TFEC: variants seen among roughly 807,000 people sequenced by gnomAD.
TFEC encodes transcription factor EC.
In TFEC, 31 loss-of-function variants were observed where a neutral mutation model predicts 41.6. The observed-to-expected ratio is 0.74, with a 90% CI of 0.56 to 1.01. The LOEUF (loss-of-function observed/expected upper bound fraction) is 1.01. TFEC is among the 50% of genes least tolerant of loss of function. The pLI, the probability that TFEC is intolerant of heterozygous loss-of-function variation, is 0.00. For synonymous variants in TFEC, 143 were observed against 140.6 expected, an observed-to-expected ratio of 1.02 and a Z score of -0.12; for missense variants, 402 against 404.1, an observed-to-expected ratio of 0.99 and a Z score of 0.04.
At chr7:115,945,348 C>A (rs1433548851) in intron 6 of TFEC, among the ~76,000 whole-genome samples, 1 of 151,338 alleles carries the variant, frequency 6.6e-6, no homozygotes, top group East Asian at 2.0e-4. Flanking sequence ...ATAATTTTGT[C>A]ACGTAGATGG....
At chr7:115,994,768 C>A (rs1287590830) in intron 1 of TFEC, among the ~76,000 whole-genome samples, 1 of 152,130 alleles carries the variant, frequency 6.6e-6, no homozygotes. Flanking sequence ...ACTAGTTCAA[C>A]CATTGTGGAA....
At chr7:116,157,690 T>C (rs988446022) in intron 1 of TFEC, among the ~76,000 whole-genome samples, 48 of 152,150 alleles carry the variant, frequency 3.2e-4, no homozygotes, top group African/African-American at 1.1e-3. Context: ...TTTAGGGAAG[T>C]TGGACTCCTG....
chr7:115,975,597 C>T (rs1322973670), intron 2 of TFEC, among the ~76,000 whole-genome samples: 1 of 152,124 alleles, frequency 6.6e-6, no homozygotes, highest in African/African-American at 2.4e-5. Flanking sequence ...CCATAGCCAA[C>T]AGCAGGAAAT....
intron 1 of TFEC, among the ~76,000 whole-genome samples, chr7:116,155,267 C>A (rs1237485386): frequency 6.6e-6 from 1 of 152,076 alleles, no homozygotes; most frequent in African/African-American, 2.4e-5. Flanking sequence ...AATATTTAAA[C>A]CAAGAACTAG....
intron 1 of TFEC, among the ~76,000 whole-genome samples, chr7:115,997,116 C>A (rs999675753): frequency 8.3e-4 from 126 of 152,242 alleles, no homozygotes; most frequent in African/African-American, 2.7e-3. Flanking sequence ...ATGGTTACCA[C>A]GGGCCTTGGG....
At chr7:116,151,650 A>G (rs1160946673) in intron 1 of TFEC, among the ~76,000 whole-genome samples, 1 of 151,848 alleles carries the variant, frequency 6.6e-6, no homozygotes, top group Non-Finnish European at 1.5e-5. Flanking sequence ...ACTTGTTACA[A>G]TGGAATTTTT....
intron 1 of TFEC, among the ~76,000 whole-genome samples, chr7:116,150,870 G>T (rs910080780): frequency 6.6e-6 from 1 of 152,046 alleles, no homozygotes; most frequent in Non-Finnish European, 1.5e-5. Flanking sequence ...TTAAAATAAT[G>T]CCTTCCTGAT....
intron 3 of TFEC, among the ~76,000 whole-genome samples, chr7:116,041,431 T>C (rs1312147666): frequency 7.2e-5 from 11 of 152,170 alleles, no homozygotes; most frequent in Non-Finnish European, 1.6e-4. Context: ...AGATTTCACT[T>C]ACATATGTTA....
At chr7:115,990,333 G>C (rs891362006) in intron 1 of TFEC, among the ~76,000 whole-genome samples, 1 of 152,160 alleles carries the variant, frequency 6.6e-6, no homozygotes, top group Non-Finnish European at 1.5e-5. Context: ...TCCACCAAAG[G>C]AGCGCGGCTC....
At chr7:116,017,729 G>C (rs1407179294) in intron 1 of TFEC, among the ~76,000 whole-genome samples, 2 of 152,044 alleles carry the variant, frequency 1.3e-5, no homozygotes, top group Middle Eastern at 3.2e-3. Flanking sequence ...TTTCCCTACT[G>C]CCTGGAATGC....
In TFEC at chr7:115,955,936, A is replaced by T. The variant is rs1415558015; in HGVS notation, c.382+743T>A. Among the ~76,000 whole-genome samples the T allele has an allele frequency of 2.0e-5, 3 of 152,146 alleles. No homozygotes were observed. In the East Asian group the frequency reaches 5.8e-4, roughly 30 times the overall value. ...AATTTTACCGTGGTGTTTGAGCTCC[A>T]AACCAAAAGTTTATTGCAGAAATCT... On this transcript the variant is annotated intron_variant, in intron 4 of 7. Transcript: ENST00000265440.
rs549578375 is a variant in TFEC at position 116,076,688 on chromosome 7, G to A, written c.198+34020C>T. Among the ~76,000 whole-genome samples the A allele has an allele frequency of 7.8e-4, 119 of 151,926 alleles. 1 individual carries two copies. The highest frequency in any genetic ancestry group is 2.7e-3 in the African/African-American group (112 of 41,442). On this transcript the variant is annotated intron_variant, in intron 3 of 8. Coordinates refer to the TFEC transcript ENST00000484212. Reference sequence around the variant, plus strand: ...AGAAGAAAGAATTTCAGAGCTCGAAGGTAAGGCTTTCAAATTAACCCAGTC... The same window carrying A: ...AGAAGAAAGAATTTCAGAGCTCGAAAGTAAGGCTTTCAAATTAACCCAGTC...
intron 1 of TFEC, among the ~76,000 whole-genome samples, chr7:116,156,580 C>A (rs1385093593): frequency 1.3e-5 from 2 of 152,088 alleles, no homozygotes; most frequent in Admixed American, 6.6e-5. Context: ...ATTGAAATGG[C>A]TTGTGTGTAT....
At chr7:116,083,856 A>G (rs1160336705) in intron 3 of TFEC, among the ~76,000 whole-genome samples, 2 of 151,922 alleles carry the variant, frequency 1.3e-5, no homozygotes, top group African/African-American at 4.8e-5. Flanking sequence ...TACTGCCACA[A>G]TCCAAGCTTT....
chr7:115,938,267 G>C lies in TFEC; in HGVS notation c.*2284C>G, dbSNP rs981948778. ...GAAATGAGAAGAGCAGATAAAATGA[G>C]AACTGAAGCCAGTCTCTATCTAATA... is the stretch of plus-strand genomic sequence containing the variant. On this transcript the variant is annotated 3_prime_UTR_variant, in exon 8 of 8. Transcript: ENST00000265440. The C allele has an allele frequency of 1.1e-4, 17 of 151,986 alleles. No individual in the cohort carries two copies. The highest frequency in any genetic ancestry group is 4.1e-4 in the African/African-American group (17 of 41,520). The allele number at this position is 151,986 out of a possible 1,614,324, so 9.4% of individuals were successfully genotyped here. A position where few individuals can be genotyped will look rare whatever the true frequency, so the allele number is the denominator to read the frequency against.
rs553707005 is a variant in TFEC at position 116,143,408 on chromosome 7, T to C, written c.-69+16382A>G. Among the ~76,000 whole-genome samples, 5 of 152,170 alleles carry C rather than the reference T, an allele frequency of 3.3e-5. No homozygotes were observed. The East Asian group carries it at 9.7e-4, about 29-fold the overall frequency. ...GAGAGGTTGTCATAACAGACCTTTA[T>C]AAAAAATGCAGAATAAGCCAAGCAG... On this transcript the variant is annotated intron_variant, in intron 1 of 8. Coordinates refer to the TFEC transcript ENST00000484212.
chr7:115,984,121 A>C (rs1222413534), intron 2 of TFEC, 141 bp downstream of exon 2: 1 of 1,068,548 alleles, frequency 9.4e-7, no homozygotes, highest in Non-Finnish European at 1.3e-6. Flanking sequence ...GTTAATAAAT[A>C]GAGAATAATT....
chr7:115,990,482 T>C lies in TFEC; in HGVS notation c.-72-5969A>G, dbSNP rs554990772. On this transcript the variant is annotated intron_variant, in intron 1 of 7. Coordinates refer to ENST00000265440, the MANE Select transcript of TFEC (RefSeq NM_012252.4). ...CTCATCACAAAATAGCTAAAAACCT[T>C]GAAAAGAGATTAGACGAATGGCTAG... Among the ~76,000 whole-genome samples the C allele has an allele frequency of 3.3e-5, 5 of 152,048 alleles. No individual in the cohort carries two copies. The East Asian group carries it at 7.8e-4, about 24-fold the overall frequency.
intron 3 of TFEC, among the ~76,000 whole-genome samples, chr7:115,970,277 C>G (rs373559029): frequency 6.6e-6 from 1 of 151,908 alleles, no homozygotes; most frequent in East Asian, 1.9e-4. Context: ...CACTGAGGAG[C>G]CAAGTCAGGT....
Sources: allele counts gnomAD v4.1 joint callset (sites outside exome capture counted in the v4.1 genomes callset), GRCh38; gene constraint gnomAD v4.1.1; transcripts MANE v1.5; gene names NCBI Gene and HGNC (gene_info 2026-07-23, HGNC 2026-07-21).